Variants in ARL1 observed in about 807,000 individuals in gnomAD.
ARL1 encodes the protein ADP-ribosylation factor-like protein 1.
Under a neutral mutation model 30.1 loss-of-function variants are expected in ARL1, and 17 were observed. That is an observed-to-expected ratio of 0.56 (90% CI 0.39 to 0.85). The LOEUF is 0.85. Ranked by LOEUF, ARL1 falls within the 40% of genes least tolerant of loss-of-function variation. The pLI is 0.00. For missense variants in ARL1, 102 were observed against 212.6 expected (o/e 0.48, Z 3.24); for synonymous variants, 58 against 71.7 (o/e 0.81, Z 0.97).
chr12:101,405,772 G>T, intron 2 of ARL1, 72 bp downstream of exon 2: 1 of 1,439,026 alleles, frequency 6.9e-7, no homozygotes, highest in Non-Finnish European at 9.2e-7. Flanking sequence ...AAACAAAAAA[G>T]AAAGAAAGAA....
chr12:101,398,689 C>CA (rs1478738146), intron 4 of ARL1, among the ~76,000 whole-genome samples: 2 of 152,050 alleles, frequency 1.3e-5, no homozygotes, highest in African/African-American at 4.8e-5. Context: ...CCACCTGCCT[C>CA]GGCCTCCCAA....
Position 101,402,916 on chromosome 12 carries a change from T to A in ARL1, c.173A>T (p.Tyr58Phe), listed in dbSNP as rs778166981. The A allele has an allele frequency of 4.3e-6, 7 of 1,613,222 alleles. No homozygotes were observed. Among genetic ancestry groups the A allele is most frequent in the Non-Finnish European group, 5.9e-6 (7 of 1,179,398 alleles). Reference sequence around the variant, plus strand: ...CCAGACTTGGAATTTAAGGTTTTTGTACGTCACCGTCTCTACATTAAATCC... The same window carrying A: ...CCAGACTTGGAATTTAAGGTTTTTGAACGTCACCGTCTCTACATTAAATCC... The part of the protein sequence containing the change: ...TIGFNVETVT[Y>F]KNLKFQVWDL... The change falls in exon 3 of 6, where the codon TAC becomes TTC. Residue 58 changes from tyrosine (Y) to phenylalanine (F), a missense_variant. By Grantham distance (22) the Tyr-to-Phe change is conservative. Transcript: ENST00000261636.
rs1444439963 is a variant in ARL1, at chr12:101,405,964, T to C, written c.22A>G (p.Ile8Val). 6.4e-7 allele frequency: 1 copy of C among 1,562,916 alleles called. No individual in the cohort carries two copies. Among genetic ancestry groups the C allele is most frequent in the Admixed American group, 2.0e-5 (1 of 51,238 alleles). The change falls in exon 2 of 6, where the codon ATA becomes GTA. Residue 8 changes from isoleucine (I) to valine (V), a missense_variant. Transcript: ENST00000261636. Reference sequence around the variant, plus strand: ...CGAGTTCCAAACAGACTGGAAAATATACTTGAGAAAAAGCCACCTAAAAAA... The same window carrying C: ...CGAGTTCCAAACAGACTGGAAAATACACTTGAGAAAAAGCCACCTAAAAAA... MGGFFSS[I>V]FSSLFGTREM... is the part of the protein sequence containing the mutation.
rs373636760 is a variant in ARL1 at position 101,405,836 on chromosome 12, A to C, written c.142+8T>G. On this transcript the variant is annotated splice_region_variant and intron_variant, in intron 2 of 5. Transcript: ENST00000261636. ...TCCCTACAATTAGCTCATCATACCA[A>C]CACTTACTAGGTATAGTAGTAACAA... 43 of 1,548,292 alleles carry C rather than the reference A, an allele frequency of 2.8e-5. 1 individual carries two copies. The African/African-American group carries it at 5.1e-4, about 18-fold the overall frequency.
chr12:101,399,117 T>TAA (rs563286763), intron 4 of ARL1, among the ~76,000 whole-genome samples: 3 of 145,252 alleles, frequency 2.1e-5, no homozygotes, highest in African/African-American at 5.0e-5. Context: ...TGCTATGATG[T>TAA]AAAAAAAAAA....
intron 2 of ARL1, among the ~76,000 whole-genome samples, chr12:101,404,705 A>G (rs1871393798): frequency 6.6e-6 from 1 of 152,208 alleles, no homozygotes; most frequent in Non-Finnish European, 1.5e-5. Context: ...GAACTCTTTA[A>G]TTTAAATGTA....
At chr12:101,405,043 G>GT (rs1348200000) in intron 2 of ARL1, among the ~76,000 whole-genome samples, 4 of 152,096 alleles carry the variant, frequency 2.6e-5, no homozygotes, top group Admixed American at 1.3e-4. Flanking sequence ...GGCTAATTTT[G>GT]TATTTTTAGT....
At chr12:101,406,440 T>C (rs1255400545) in intron 1 of ARL1, among the ~76,000 whole-genome samples, 2 of 152,104 alleles carry the variant, frequency 1.3e-5, no homozygotes, top group Non-Finnish European at 2.9e-5. Flanking sequence ...ATATAGCTAG[T>C]ACAAGAAATT....
intron 2 of ARL1, 167 bp downstream of exon 2, chr12:101,405,677 A>G: frequency 1.9e-6 from 1 of 539,922 alleles, no homozygotes; most frequent in Non-Finnish European, 2.9e-6. Flanking sequence ...GCACTTTGGG[A>G]GGCCAAGGCA....
chr12:101,396,713 T>C (rs1258825977), intron 4 of ARL1, 136 bp from the exon 5 acceptor site: 5 of 647,398 alleles, frequency 7.7e-6, no homozygotes, highest in Non-Finnish European at 9.6e-6. Context: ...AGAAATTATA[T>C]AGAGAAGTAT....
chr12:101,403,020 T>A, intron 2 of ARL1, 74 bp from the exon 3 acceptor site: 5 of 863,658 alleles, frequency 5.8e-6, no homozygotes, highest in Non-Finnish European at 9.1e-6. Flanking sequence ...TCTAATTGAG[T>A]TACAGCAATT....
chr12:101,407,401 G>A (rs964004236), intron 1 of ARL1: 4 of 488,300 alleles, frequency 8.2e-6, no homozygotes, highest in Admixed American at 3.9e-5. Flanking sequence ...ACGTCCCCAA[G>A]CTGTCCGGGT....
At position 101,394,041 on chromosome 12, in the gene ARL1, G is replaced by A. The variant is rs1871082167; in HGVS notation, c.*1599C>T. 6.6e-6 allele frequency: 1 copy of A among 151,634 alleles called. No individual in the cohort carries two copies. The highest frequency in any genetic ancestry group is 2.4e-5 in the African/African-American group (1 of 41,244). 9.4% of individuals were successfully genotyped at this position (151,634 alleles called of 1,614,324 possible). ...CCTCAGGAGTAATATTGGTTGTACTGGAACATTTGTAGCTGAAGGAAAATC... is the reference window on the plus strand; with the variant it reads ...CCTCAGGAGTAATATTGGTTGTACTAGAACATTTGTAGCTGAAGGAAAATC... On this transcript the variant is annotated 3_prime_UTR_variant, in exon 6 of 6. Transcript: ENST00000261636.
chr12:101,405,649 C>A, intron 2 of ARL1, 195 bp downstream of exon 2: 1 of 390,734 alleles, frequency 2.6e-6, no homozygotes, highest in Non-Finnish European at 4.4e-6. Flanking sequence ...GGCATAGTGG[C>A]TCATGCCTGT....
At chr12:101,398,097 G>C (rs1014749771) in intron 4 of ARL1, among the ~76,000 whole-genome samples, 1 of 151,586 alleles carries the variant, frequency 6.6e-6, no homozygotes, top group Admixed American at 6.6e-5. Context: ...ATTCATTTTT[G>C]TGTATAGGAA....
At chr12:101,397,357 C>A (rs1871177717) in intron 4 of ARL1, among the ~76,000 whole-genome samples, 1 of 152,006 alleles carries the variant, frequency 6.6e-6, no homozygotes, top group Non-Finnish European at 1.5e-5. Flanking sequence ...TGGAGACCAG[C>A]CTGAGCAACA....
At chr12:101,403,999 T>A (rs1871372996) in intron 2 of ARL1, among the ~76,000 whole-genome samples, 1 of 152,064 alleles carries the variant, frequency 6.6e-6, no homozygotes, top group Non-Finnish European at 1.5e-5. Flanking sequence ...CAGGTATAAC[T>A]GGACAATTAG....
At position 101,394,146 on chromosome 12, in the gene ARL1, A is replaced by T. The variant is rs1204991767; in HGVS notation, c.*1494T>A. 2 of 152,156 alleles carry T rather than the reference A, an allele frequency of 1.3e-5. No homozygotes were observed. Among genetic ancestry groups the T allele is most frequent in the Non-Finnish European group, 2.9e-5 (2 of 68,058 alleles). 9.4% of individuals were successfully genotyped at this position (152,156 alleles called of 1,614,324 possible). ...AGAAGGGTGAGAGTCCCACGGGTGA[A>T]GGGAGAAAGCAGCAGAGAATGAATA... On this transcript the variant is annotated 3_prime_UTR_variant, in exon 6 of 6. Transcript: ENST00000261636.
At position 101,395,578 on chromosome 12, in the gene ARL1, G is replaced by A; in HGVS notation, c.*62C>T. 1 of 1,350,030 alleles carries A rather than the reference G, an allele frequency of 7.4e-7. No individual in the cohort carries two copies. Among genetic ancestry groups the A allele is most frequent in the Non-Finnish European group, 1.0e-6 (1 of 959,430 alleles). 83.6% of individuals were successfully genotyped at this position (1,350,030 alleles called of 1,614,324 possible). A position where few individuals can be genotyped will look rare whatever the true frequency, so the allele number is the denominator to read the frequency against. On this transcript the variant is annotated 3_prime_UTR_variant, in exon 6 of 6. Transcript: ENST00000261636. ...ACATCTAGTAGTGTGAAGTACACTT[G>A]ACTGTTTCCAAAGGGAGAGAGGTGA...
Sources: allele counts gnomAD v4.1 joint callset (sites outside exome capture counted in the v4.1 genomes callset), GRCh38; gene constraint gnomAD v4.1.1; transcripts MANE v1.5; gene names NCBI Gene and HGNC (gene_info 2026-07-23, HGNC 2026-07-21).